ITGB5: variants seen among roughly 807,000 people sequenced by gnomAD.
The protein encoded by ITGB5 is integrin subunit beta 5, also known as integrin beta-5.
A neutral mutation model predicts 84.8 loss-of-function variants in ITGB5; 38 were observed. That is an observed-to-expected ratio of 0.45 (90% CI 0.35 to 0.59). The LOEUF is 0.59. Among genes scored for constraint, ITGB5 ranks in the 20% least tolerant of loss-of-function variants. ITGB5 has a pLI of 0.01. For missense variants in ITGB5, 905 were observed against 1,034.5 expected, an observed-to-expected ratio of 0.87 and a Z score of 1.72; for synonymous variants, 393 against 414.4, an observed-to-expected ratio of 0.95 and a Z score of 0.63.
chr3:124,776,994 T>C (rs1490964319), intron 10 of ITGB5, among the ~76,000 whole-genome samples: 1 of 147,012 alleles, frequency 6.8e-6, no homozygotes, highest in Non-Finnish European at 1.5e-5. Flanking sequence ...TCATTTCCCC[T>C]GGGATGGCTG....
At position 124,859,259 on chromosome 3, in the gene ITGB5, G is replaced by A. The variant is rs1192587642; in HGVS notation, c.344C>T (p.Ala115Val). ...CAACTCACCGGGCCGGAGGTTCACG[G>A]CAATCTCCTGTGGTGTCATCTGAAT... Reference protein sequence around the residue: ...DVIQMTPQEIAVNLRPGDKTT... With the variant: ...DVIQMTPQEIVVNLRPGDKTT... Residue 115 changes from alanine (A) to valine (V), a missense_variant, in exon 3 of 15, where the codon GCC becomes GTC. By Grantham distance (64) the Ala-to-Val change is moderately conservative. This residue lies in a region of ITGB5 where 656 missense variants were observed against 734.7 expected (regional missense o/e 0.89). Transcript: ENST00000296181. 1 of 1,613,944 alleles carries A rather than the reference G, an allele frequency of 6.2e-7. No individual in the cohort carries two copies. The highest frequency in any genetic ancestry group is 8.5e-7 in the Non-Finnish European group (1 of 1,179,946).
At chr3:124,838,580 C>T (rs1029745485) in intron 5 of ITGB5, among the ~76,000 whole-genome samples, 10 of 152,120 alleles carry the variant, frequency 6.6e-5, no homozygotes, top group Non-Finnish European at 1.3e-4. Context: ...GATACTAATA[C>T]CTTACATATT....
chr3:124,851,630 C>T (rs1460830350), intron 3 of ITGB5, among the ~76,000 whole-genome samples: 2 of 151,766 alleles, frequency 1.3e-5, no homozygotes, highest in African/African-American at 4.8e-5. Context: ...CACACACACA[C>T]ACACACACAC....
intron 1 of ITGB5, 37 bp from the exon 2 acceptor site, chr3:124,873,568 G>A (rs1934160732): frequency 6.9e-7 from 1 of 1,455,212 alleles, no homozygotes; most frequent in Non-Finnish European, 9.7e-7. Flanking sequence ...ATTAGTTCCT[G>A]GCTATAAACT....
chr3:124,779,169 G>A (rs1304009604), intron 10 of ITGB5, among the ~76,000 whole-genome samples: 1 of 152,092 alleles, frequency 6.6e-6, no homozygotes, highest in African/African-American at 2.4e-5. Flanking sequence ...CCCACGTGTA[G>A]TACAGCTTGT....
In ITGB5 at chr3:124,764,552, C is replaced by G. The variant is rs760338724; in HGVS notation, c.2143G>C (p.Gly715Arg). The G allele has an allele frequency of 6.2e-7, 1 of 1,610,532 alleles. No homozygotes were observed. Residue 715 changes from glycine (G) to arginine (R), a missense_variant, in exon 14 of 15, where the codon GGA (glycine) becomes CGA (arginine). Gly to Arg is a moderately radical substitution (Grantham distance 125, BLOSUM62 -2). Coordinates refer to ENST00000296181, the MANE Select transcript of ITGB5 (RefSeq NM_002213.5). ...NLTVLREPEC[G>R]NTPNAMTILL... ...ATGGTCATGGCGTTGGGGGTGTTTC[C>G]ACACTCTGGGGGGACCAGAAGCATG...
intron 5 of ITGB5, among the ~76,000 whole-genome samples, chr3:124,830,078 G>A (rs2064838130): frequency 1.3e-5 from 2 of 152,320 alleles, no homozygotes; most frequent in South Asian, 2.1e-4. Flanking sequence ...ACAGGGACTG[G>A]CAGAGAGAGA....
upstream of ITGB5, among the ~76,000 whole-genome samples, chr3:124,889,893 TC>T (rs1934959540): frequency 6.6e-6 from 1 of 152,046 alleles, no homozygotes; most frequent in African/African-American, 2.4e-5. Flanking sequence ...GTGCCTGTAA[TC>T]CCAGCTACTC....
intron 11 of ITGB5, among the ~76,000 whole-genome samples, chr3:124,773,414 CTG>C (rs1194259127): frequency 6.6e-6 from 1 of 152,232 alleles, no homozygotes; most frequent in Non-Finnish European, 1.5e-5. Context: ...TCATTTAACT[CTG>C]TGATTTCGTG....
At chr3:124,896,763 A>AAAAC (rs1553770151) in intron 1 of ITGB5, among the ~76,000 whole-genome samples, 3 of 145,032 alleles carry the variant, frequency 2.1e-5, no homozygotes, top group Non-Finnish European at 4.6e-5. Flanking sequence ...AAAAAAAAAA[A>AAAAC]GGGAGAAGAA....
At position 124,848,457 on chromosome 3, in the gene ITGB5, C is replaced by T; in HGVS notation, c.463G>A (p.Asp155Asn). 1 of 1,614,134 alleles carries T rather than the reference C, an allele frequency of 6.2e-7. No homozygotes were observed. Reference protein sequence around the residue: ...DLSLSMKDDLDNIRSLGTKLA... With the variant: ...DLSLSMKDDLNNIRSLGTKLA... ...TTGGTGCCCAGGCTCCGGATATTGT[C>T]CAAGTCATCCTTCATGGACAGGGAG... Residue 155 changes from aspartate (D) to asparagine (N), a missense_variant, in exon 4 of 15, where the codon GAC (aspartate) becomes AAC (asparagine). This residue lies in a region of ITGB5 where 656 missense variants were observed against 734.7 expected (regional missense o/e 0.89). Transcript: ENST00000296181.
At chr3:124,831,128 A>T (rs1185434412) in intron 5 of ITGB5, among the ~76,000 whole-genome samples, 1 of 152,222 alleles carries the variant, frequency 6.6e-6, no homozygotes, top group African/African-American at 2.4e-5. Context: ...ATCTGAGGTC[A>T]GTTACCATGC....
chr3:124,859,916 C>T (rs955548546), intron 2 of ITGB5, among the ~76,000 whole-genome samples: 1 of 151,976 alleles, frequency 6.6e-6, no homozygotes, highest in African/African-American at 2.4e-5. Context: ...GACCTCCTCT[C>T]TAAAAATAAA....
chr3:124,870,682 T>C (rs1214633574), intron 2 of ITGB5, among the ~76,000 whole-genome samples: 1 of 147,724 alleles, frequency 6.8e-6, no homozygotes, highest in South Asian at 2.2e-4. Context: ...GCCGACATCA[T>C]GCCACTGCAC....
At chr3:124,791,215 G>GA (rs757187438) in intron 10 of ITGB5, 14 of 152,294 alleles carry the variant, frequency 9.2e-5, no homozygotes, top group Admixed American at 4.6e-4. Flanking sequence ...CAAAAGAAAA[G>GA]AAATCCTCAT....
At chr3:124,860,577 T>C (rs932319031) in intron 2 of ITGB5, among the ~76,000 whole-genome samples, 2 of 152,262 alleles carry the variant, frequency 1.3e-5, no homozygotes, top group African/African-American at 4.8e-5. Flanking sequence ...CAATATACTT[T>C]ATTATAAATC....
At chr3:124,878,601 A>G (rs1166721752) in intron 1 of ITGB5, 2 of 152,124 alleles carry the variant, frequency 1.3e-5, no homozygotes, top group African/African-American at 4.8e-5. Context: ...TGAATGACCT[A>G]CCAGCCCTTG....
At chr3:124,796,364 A>G (rs746791574) in intron 10 of ITGB5, 24 bp downstream of exon 10, 3 of 1,581,226 alleles carry the variant, frequency 1.9e-6, no homozygotes, top group South Asian at 1.2e-5. Flanking sequence ...GCTCAGAGCT[A>G]AAGTGCTTGC....
rs1164766274 is a variant in ITGB5 at position 124,859,456 on chromosome 3, G to GA, written c.157-11dup. ...GTGGGCTTCCGAAGTCCTAGGCAGGGAAAAAGAGGAAGAGAGCAGGAGGTG... is the reference window on the plus strand; with the variant it reads ...GTGGGCTTCCGAAGTCCTAGGCAGGGAAAAAAGAGGAAGAGAGCAGGAGGTG... On this transcript the variant is annotated splice_polypyrimidine_tract_variant and intron_variant, in intron 2 of 14. Transcript: ENST00000296181. 1 of 1,608,470 alleles carries GA rather than the reference G, an allele frequency of 6.2e-7. No homozygotes were observed. The highest frequency in any genetic ancestry group is 8.5e-7 in the Non-Finnish European group (1 of 1,178,028).
Sources: allele counts gnomAD v4.1 joint callset (sites outside exome capture counted in the v4.1 genomes callset), GRCh38; gene constraint gnomAD v4.1.1; regional missense constraint gnomAD v4.1.1; transcripts MANE v1.5; gene names NCBI Gene and HGNC (gene_info 2026-07-23, HGNC 2026-07-21).